The following RAB40C variants were observed in gnomAD, a reference collection of about 807,000 sequenced individuals.
RAB40C encodes RAB40C, member RAS oncogene family.
Under a neutral mutation model 28.1 loss-of-function variants are expected in RAB40C, and 8 were observed. That is an observed-to-expected ratio of 0.28 (90% CI 0.17 to 0.51). The LOEUF (loss-of-function observed/expected upper bound fraction) is 0.51, where lower values mean the gene tolerates loss of function less well. RAB40C is among the 20% of genes least tolerant of loss of function. RAB40C has a pLI of 0.97. For missense variants in RAB40C, 288 were observed against 405.9 expected (o/e 0.71, Z 2.50); for synonymous variants, 201 against 171.7 (o/e 1.17, Z -1.34).
At chr16:594,889 G>A (rs551550147) in intron 1 of RAB40C, among the ~76,000 whole-genome samples, 1 of 150,658 alleles carries the variant, frequency 6.6e-6, no homozygotes, top group East Asian at 1.9e-4. Flanking sequence ...GCGCGATCTC[G>A]GCTCACTGCA....
At chr16:609,413 T>C (rs1436109230) in intron 1 of RAB40C, among the ~76,000 whole-genome samples, 2 of 152,078 alleles carry the variant, frequency 1.3e-5, no homozygotes, top group Admixed American at 6.6e-5. Context: ...CCTCCTGATA[T>C]GCAGATGGGA....
In RAB40C at chr16:626,114, C is replaced by T. The variant is rs773407703; in HGVS notation, c.558C>T (p.Pro186=). 2 of 1,612,602 alleles carry T rather than the reference C, an allele frequency of 1.2e-6. No homozygotes were observed. Among genetic ancestry groups the T allele is most frequent in the Non-Finnish European group, 1.7e-6 (2 of 1,179,624 alleles). ...ACGGCATGGAGAAGATCTGGAGGCC[C>T]AACCGAGGTGGGTGGGCGGGCGCCG... is the stretch of plus-strand genomic sequence containing the variant. The part of the protein sequence containing the change: ...MRHGMEKIWR[P]NRVFSLQDLC... Residue 186 remains proline (P), a synonymous_variant, in exon 5 of 6, where the codon CCC becomes CCT. Transcript: ENST00000248139.
intron 1 of RAB40C, among the ~76,000 whole-genome samples, chr16:591,285 G>A (rs1484674805): frequency 6.6e-6 from 1 of 151,336 alleles, no homozygotes; most frequent in Non-Finnish European, 1.5e-5. Flanking sequence ...TCTGGGGGAA[G>A]GCATCATGGT....
At chr16:619,113 G>A (rs1430178055) in intron 3 of RAB40C, among the ~76,000 whole-genome samples, 33 of 144,646 alleles carry the variant, frequency 2.3e-4, no homozygotes, top group African/African-American at 7.4e-4. Flanking sequence ...GGTCTGGCGG[G>A]GGCACTGGGG....
upstream of RAB40C, chr16:589,985 G>C (rs189506703): frequency 3.1e-3 from 461 of 148,948 alleles, 12 homozygotes; most frequent in Admixed American, 0.022. Flanking sequence ...CGGGGAAGTC[G>C]TGACGGACGG....
rs530912701 is a variant in RAB40C at position 598,826 on chromosome 16, G to A, written c.142+8393G>A. Among the ~76,000 whole-genome samples, 11 of 152,300 alleles carry A rather than the reference G, an allele frequency of 7.2e-5. No homozygotes were observed. The East Asian group carries it at 9.6e-4, about 13-fold the overall frequency. ...GCAGGTACTTTACAGTTTGTACAGC[G>A]GCCGGATGTAAGAACCTCATGTCAA... On this transcript the variant is annotated intron_variant, in intron 1 of 5. Coordinates refer to ENST00000248139, the MANE Select transcript of RAB40C (RefSeq NM_021168.5).
intron 1 of RAB40C, among the ~76,000 whole-genome samples, chr16:593,027 C>T (rs77835338): frequency 0.028 from 4,289 of 152,324 alleles, 109 homozygotes; most frequent in African/African-American, 0.073. Flanking sequence ...AAAGACACCA[C>T]GTGCTCTCAG....
intron 1 of RAB40C, chr16:616,677 C>G (rs1289606870): frequency 6.5e-6 from 1 of 153,946 alleles, no homozygotes; most frequent in Non-Finnish European, 1.4e-5. Context: ...CTCCCTAACA[C>G]CAACCTTGGC....
At chr16:618,460 G>T (rs533829590) in intron 3 of RAB40C, among the ~76,000 whole-genome samples, 200 bp downstream of exon 3, 1 of 152,258 alleles carries the variant, frequency 6.6e-6, no homozygotes, top group Non-Finnish European at 1.5e-5. Context: ...CACAGTCTCG[G>T]CTCACTGCAG....
At chr16:621,011 C>T (rs1294625880) in intron 3 of RAB40C, among the ~76,000 whole-genome samples, 3 of 152,248 alleles carry the variant, frequency 2.0e-5, no homozygotes, top group South Asian at 2.1e-4. Context: ...TTATCATCTC[C>T]GTGTTCTTTC....
chr16:598,712 G>T (rs1359285680), intron 1 of RAB40C, among the ~76,000 whole-genome samples: 1 of 152,108 alleles, frequency 6.6e-6, no homozygotes, highest in South Asian at 2.1e-4. Context: ...CTACGTTCCA[G>T]CCTGGGTGAC....
Position 627,586 on chromosome 16 carries a change from C to A in RAB40C, c.810C>A (p.Pro270=). 3 of 1,604,760 alleles carry A rather than the reference C, an allele frequency of 1.9e-6. No homozygotes were observed. Among genetic ancestry groups the A allele is most frequent in the Non-Finnish European group, 2.6e-6 (3 of 1,174,142 alleles). ...SKSIRPPQSP[P]QNCSRSNCKI... ...CCATCCGTCCACCCCAGAGCCCCCC[C>A]CAGAACTGCTCGCGGAGTAACTGCA... Residue 270 remains proline, a synonymous_variant, in exon 6 of 6, where the codon CCC becomes CCA. Transcript: ENST00000248139.
chr16:626,323 G>A (rs2036831633), intron 5 of RAB40C, among the ~76,000 whole-genome samples: 1 of 152,198 alleles, frequency 6.6e-6, no homozygotes, highest in African/African-American at 2.4e-5. Context: ...GGGGGCACAG[G>A]AGCAGCTGAT....
chr16:589,835 A>ATGACAGACGTGC (rs1440012808), upstream of RAB40C: 2 of 152,142 alleles, frequency 1.3e-5, no homozygotes, highest in Admixed American at 1.3e-4. Flanking sequence ...AGGGGCGGTC[A>ATGACAGACGTGC]TGACAGACGT....
chr16:617,353 CG>C (rs2036609136), intron 2 of RAB40C, 85 bp downstream of exon 2: 1 of 1,518,826 alleles, frequency 6.6e-7, no homozygotes, highest in African/African-American at 1.4e-5. Flanking sequence ...AACAGGAAGG[CG>C]TCCTGTTTGC....
At chr16:624,221 G>A in intron 3 of RAB40C, 1 of 985,426 alleles carries the variant, frequency 1.0e-6, no homozygotes. Flanking sequence ...GTTGCCACTA[G>A]GGAGAGTGGG....
At chr16:625,247 G>T (rs1399048619) in intron 3 of RAB40C, 185 bp from the exon 4 acceptor site, 1 of 1,449,318 alleles carries the variant, frequency 6.9e-7, no homozygotes, top group Non-Finnish European at 9.1e-7. Flanking sequence ...TGCCAGGTGA[G>T]GGCAGGGGTG....
chr16:596,727 A>G (rs939673487), intron 1 of RAB40C, among the ~76,000 whole-genome samples: 4 of 152,104 alleles, frequency 2.6e-5, no homozygotes, highest in African/African-American at 9.7e-5. Flanking sequence ...CTGTGGGAAG[A>G]AGGACTGGCT....
chr16:619,307 G>A (rs1567192863), intron 3 of RAB40C, among the ~76,000 whole-genome samples: 1 of 150,572 alleles, frequency 6.6e-6, no homozygotes. Flanking sequence ...GTGCACAGGT[G>A]TAGTGGGTGC....
Sources: allele counts gnomAD v4.1 joint callset (sites outside exome capture counted in the v4.1 genomes callset), GRCh38; gene constraint gnomAD v4.1.1; transcripts MANE v1.5; gene names NCBI Gene and HGNC (gene_info 2026-07-23, HGNC 2026-07-21).